The following FLI1 variants were observed in gnomAD, a reference collection of about 807,000 sequenced individuals.
FLI1 encodes Friend leukemia integration 1 transcription factor.
In FLI1, 13 loss-of-function variants were observed where a neutral mutation model predicts 53.1. That is an observed-to-expected ratio of 0.24 (90% CI 0.16 to 0.39). FLI1 has a LOEUF of 0.39. Among genes scored for constraint, FLI1 ranks in the 10% least tolerant of loss-of-function variants. The pLI is 1.00. For missense variants in FLI1, 424 were observed against 600.5 expected (o/e 0.71, Z 3.07); for synonymous variants, 244 against 236.7 (o/e 1.03, Z -0.28).
At chr11:128,788,880 G>A (rs1400521748) in intron 5 of FLI1, among the ~76,000 whole-genome samples, 1 of 152,168 alleles carries the variant, frequency 6.6e-6, no homozygotes, top group Admixed American at 6.5e-5. Flanking sequence ...AAACCATGGT[G>A]AACACAGCAC....
chr11:128,771,329 A>G (rs1941547519), intron 3 of FLI1, among the ~76,000 whole-genome samples: 1 of 152,004 alleles, frequency 6.6e-6, no homozygotes, highest in South Asian at 2.1e-4. Flanking sequence ...CACAGCAGCC[A>G]CTCTCGTGCA....
intron 5 of FLI1, among the ~76,000 whole-genome samples, chr11:128,797,164 A>G (rs550680407): frequency 2.6e-5 from 4 of 152,362 alleles, no homozygotes; most frequent in Admixed American, 2.0e-4. Flanking sequence ...TTCTAATTCA[A>G]CGTGAATCCA....
chr11:128,711,327 T>C (rs1439773736), intron 1 of FLI1, among the ~76,000 whole-genome samples: 1 of 152,236 alleles, frequency 6.6e-6, no homozygotes, highest in East Asian at 1.9e-4. Context: ...CAGCAATGTG[T>C]TGTCCACATG....
At chr11:128,696,057 T>G (rs1178212801) in intron 1 of FLI1, 2 of 152,312 alleles carry the variant, frequency 1.3e-5, no homozygotes, top group African/African-American at 4.8e-5. Context: ...CTGTGGTCTG[T>G]GTACCCAGGA....
At chr11:128,735,227 T>C (rs1939871181) in intron 1 of FLI1, among the ~76,000 whole-genome samples, 1 of 152,192 alleles carries the variant, frequency 6.6e-6, no homozygotes, top group Non-Finnish European at 1.5e-5. Flanking sequence ...TTATTACTGA[T>C]AACAACAAAA....
chr11:128,786,865 AC>A (rs1942101727), intron 5 of FLI1, among the ~76,000 whole-genome samples: 1 of 151,746 alleles, frequency 6.6e-6, no homozygotes, highest in East Asian at 1.9e-4. Flanking sequence ...TTGTTTATTA[AC>A]TCCTGGAACT....
chr11:128,709,025 A>G (rs1938673463), intron 1 of FLI1, among the ~76,000 whole-genome samples: 2 of 152,234 alleles, frequency 1.3e-5, no homozygotes, highest in African/African-American at 2.4e-5. Context: ...TTGCCAGATT[A>G]CTGTGACAGT....
intron 1 of FLI1, among the ~76,000 whole-genome samples, chr11:128,710,235 T>C (rs1217934007): frequency 6.6e-6 from 1 of 152,150 alleles, no homozygotes; most frequent in Non-Finnish European, 1.5e-5. Flanking sequence ...CACACTGAAG[T>C]AGCTCAAAAA....
chr11:128,785,791 G>T (rs1417283559), intron 5 of FLI1, among the ~76,000 whole-genome samples: 2 of 152,190 alleles, frequency 1.3e-5, no homozygotes, highest in Non-Finnish European at 2.9e-5. Flanking sequence ...GGAGGTAACT[G>T]TCAACTTTGT....
intron 2 of FLI1, among the ~76,000 whole-genome samples, chr11:128,764,401 T>G (rs1303056285): frequency 6.6e-6 from 1 of 152,240 alleles, no homozygotes; most frequent in African/African-American, 2.4e-5. Flanking sequence ...CTGTGGCCTC[T>G]GTCGCCCTGA....
At chr11:128,752,973 A>G (rs1170183692) in intron 1 of FLI1, among the ~76,000 whole-genome samples, 1 of 152,224 alleles carries the variant, frequency 6.6e-6, no homozygotes, top group Non-Finnish European at 1.5e-5. Context: ...AAGCATTTCT[A>G]TCGGCAAATG....
At position 128,694,209 on chromosome 11, in the gene FLI1, A is replaced by C; in HGVS notation, c.-50A>C. The C allele has an allele frequency of 6.6e-7, 1 of 1,524,606 alleles. No individual in the cohort carries two copies. The highest frequency in any genetic ancestry group is 8.8e-7 in the Non-Finnish European group (1 of 1,136,770). 94.4% of individuals were successfully genotyped at this position (1,524,606 alleles called of 1,614,324 possible). A position where few individuals can be genotyped will look rare whatever the true frequency, so the allele number is the denominator to read the frequency against. On this transcript the variant is annotated 5_prime_UTR_variant, in exon 1 of 9. Transcript: ENST00000527786. Reference sequence around the variant, plus strand: ...GAAGGGGCTGCGAGGTCAGGCTGTAACCGGGTCAATGTGTGGAATATTGGG... The same window carrying C: ...GAAGGGGCTGCGAGGTCAGGCTGTACCCGGGTCAATGTGTGGAATATTGGG...
rs114422553 is a variant in FLI1 at position 128,751,197 on chromosome 11, A to G, written c.19-6918A>G. ...TGCATTTCAGGCTCTATCATCACCAAATCTACTTATTAGTAGTTTAGGCAA... is the reference window on the plus strand; with the variant it reads ...TGCATTTCAGGCTCTATCATCACCAGATCTACTTATTAGTAGTTTAGGCAA... On this transcript the variant is annotated intron_variant, in intron 1 of 8. Coordinates refer to ENST00000527786, the MANE Select transcript of FLI1 (RefSeq NM_002017.5). Among the ~76,000 whole-genome samples the G allele has an allele frequency of 2.1e-3, 322 of 152,290 alleles. 2 individuals carry two copies. Among genetic ancestry groups the G allele is most frequent in the African/African-American group, 6.7e-3 (277 of 41,546 alleles).
intron 5 of FLI1, among the ~76,000 whole-genome samples, chr11:128,798,490 A>G (rs937081334): frequency 1.3e-5 from 2 of 152,190 alleles, no homozygotes; most frequent in East Asian, 3.8e-4. Context: ...ATTTCTTCCA[A>G]GCCTTTTCCT....
At chr11:128,714,806 T>A (rs1188182200) in intron 1 of FLI1, among the ~76,000 whole-genome samples, 1 of 151,096 alleles carries the variant, frequency 6.6e-6, no homozygotes, top group Non-Finnish European at 1.5e-5. Flanking sequence ...CCTCCCAGGT[T>A]CAAGCAATTC....
chr11:128,732,663 C>T (rs1939748718), intron 1 of FLI1, among the ~76,000 whole-genome samples: 1 of 152,142 alleles, frequency 6.6e-6, no homozygotes, highest in Admixed American at 6.6e-5. Flanking sequence ...AAGGAAAGCC[C>T]CACTTTTTTA....
chr11:128,749,254 C>T (rs946031671), intron 1 of FLI1, among the ~76,000 whole-genome samples: 3 of 152,316 alleles, frequency 2.0e-5, no homozygotes, highest in Non-Finnish European at 4.4e-5. Flanking sequence ...GTAAAATGCT[C>T]GGAGACGTTC....
At chr11:128,750,407 G>A (rs765307132) in intron 1 of FLI1, among the ~76,000 whole-genome samples, 4 of 152,216 alleles carry the variant, frequency 2.6e-5, no homozygotes, top group Admixed American at 6.5e-5. Context: ...CTCAGCCTAC[G>A]TATAAGGAAG....
At chr11:128,732,262 A>T in intron 1 of FLI1, among the ~76,000 whole-genome samples, 1 of 152,156 alleles carries the variant, frequency 6.6e-6, no homozygotes, top group East Asian at 1.9e-4. Context: ...CCCCCTTCTC[A>T]TCTAGGACAT....
Sources: allele counts gnomAD v4.1 joint callset (sites outside exome capture counted in the v4.1 genomes callset), GRCh38; gene constraint gnomAD v4.1.1; transcripts MANE v1.5; gene names NCBI Gene and HGNC (gene_info 2026-07-23, HGNC 2026-07-21).